Variants in ZAP70 observed in about 807,000 individuals in gnomAD.
The protein encoded by ZAP70 is zeta chain of T cell receptor associated protein kinase 70, also known as tyrosine-protein kinase ZAP-70.
ZAP70 carries 27 observed loss-of-function variants against 65.8 expected under a neutral mutation model. That is an observed-to-expected ratio of 0.41 (90% confidence interval 0.30 to 0.57). ZAP70 has a LOEUF of 0.57. Ranked by LOEUF, ZAP70 falls within the 20% of genes least tolerant of loss-of-function variation. The pLI is 0.28. For missense variants in ZAP70, 696 were observed against 870.5 expected (o/e 0.80, Z 2.52); for synonymous variants, 363 against 360.8 (o/e 1.01, Z -0.07).
chr2:97,735,957 G>A (rs1187539172), intron 10 of ZAP70, among the ~76,000 whole-genome samples: 1 of 152,118 alleles, frequency 6.6e-6, no homozygotes, highest in African/African-American at 2.4e-5. Flanking sequence ...GCAGTGAGCC[G>A]AGATTGTGCC....
chr2:97,734,833 T>G (rs1677785547), intron 9 of ZAP70, 121 bp downstream of exon 9: 1 of 1,372,398 alleles, frequency 7.3e-7, no homozygotes, highest in East Asian at 2.3e-5. Flanking sequence ...GGAAACAGAC[T>G]CTGGGGCAGG....
intron 9 of ZAP70, 63 bp downstream of exon 9, chr2:97,734,775 G>A: frequency 3.8e-6 from 6 of 1,594,780 alleles, no homozygotes; most frequent in Non-Finnish European, 5.1e-6. Flanking sequence ...TGGCTTCACC[G>A]GGCTGTGGGA....
Position 97,724,063 on chromosome 2 carries a change from C to A in ZAP70, c.27C>A (p.Pro9=). Residue 9 remains proline, a synonymous_variant, in exon 3 of 14, where the codon CCC becomes CCA. Transcript: ENST00000264972. The part of the protein sequence containing the change: MPDPAAHL[P]FFYGSISRAE... ...TGCCAGACCCCGCGGCGCACCTGCC[C>A]TTCTTCTACGGCAGCATCTCGCGTG... The A allele has an allele frequency of 6.4e-7, 1 of 1,557,862 alleles. No individual in the cohort carries two copies. Among genetic ancestry groups the A allele is most frequent in the African/African-American group, 1.4e-5 (1 of 73,962 alleles).
rs781033785 is a variant in ZAP70 at position 97,724,353 on chromosome 2, C to T, written c.317C>T (p.Ser106Leu). The change falls in exon 3 of 14, where the codon TCG becomes TTG. Residue 106 changes from serine (S) to leucine (L), a missense_variant. Ser to Leu is a moderately radical substitution (Grantham distance 145). Coordinates refer to ENST00000264972, the MANE Select transcript of ZAP70 (RefSeq NM_001079.4). ...CTGCGCAAGCCGTGCAACCGGCCGT[C>T]GGGCCTCGAGCCGCAGCCGGGGGTC... is the stretch of plus-strand genomic sequence containing the variant. ...CNLRKPCNRP[S>L]GLEPQPGVFD... 1.9e-6 allele frequency: 3 copies of T among 1,551,566 alleles called. No individual in the cohort carries two copies. Among genetic ancestry groups the T allele is most frequent in the Non-Finnish European group, 2.6e-6 (3 of 1,148,662 alleles).
the ZAP70 span, among the ~76,000 whole-genome samples, chr2:97,752,459 C>T: frequency 1.3e-5 from 2 of 152,144 alleles, no homozygotes; most frequent in Non-Finnish European, 2.9e-5. Context: ...AGAACTTTCC[C>T]CATTTTCTTT....
intron 2 of ZAP70, among the ~76,000 whole-genome samples, chr2:97,722,166 C>T (rs1292717196): frequency 6.6e-6 from 1 of 152,038 alleles, no homozygotes; most frequent in African/African-American, 2.4e-5. Context: ...ATGGAATCTC[C>T]GCCTCTTGGG....
rs536451792 is a variant in ZAP70, at chr2:97,733,527, G to C, written c.838-17G>C. The C allele has an allele frequency of 6.2e-6, 10 of 1,613,622 alleles. No homozygotes were observed. In the East Asian group the frequency reaches 2.2e-4, roughly 36 times the overall value. ...GGACGTCCCCAGCTCAGGCCTTGCTGACCCTGTGGCCTTTAGCCTCAGAGA... is the reference window on the plus strand; with the variant it reads ...GGACGTCCCCAGCTCAGGCCTTGCTCACCCTGTGGCCTTTAGCCTCAGAGA... On this transcript the variant is annotated splice_polypyrimidine_tract_variant and intron_variant, in intron 7 of 13. Transcript: ENST00000264972.
intron 4 of ZAP70, among the ~76,000 whole-genome samples, chr2:97,725,692 T>C (rs1198458793): frequency 6.6e-6 from 1 of 152,132 alleles, no homozygotes; most frequent in African/African-American, 2.4e-5. Context: ...CCCTGTCAGA[T>C]GGTGGTAAGC....
chr2:97,748,628 C>T, the ZAP70 span, among the ~76,000 whole-genome samples: 12 of 152,142 alleles, frequency 7.9e-5, no homozygotes, highest in African/African-American at 2.7e-4. Flanking sequence ...AGGCCAGGTG[C>T]GGGTTCTGGG....
intron 2 of ZAP70, among the ~76,000 whole-genome samples, chr2:97,721,974 G>A (rs542022021): frequency 2.7e-5 from 4 of 150,756 alleles, no homozygotes; most frequent in East Asian, 2.0e-4. Flanking sequence ...TAGTAGAGAC[G>A]GGGTTTCACT....
downstream of ZAP70, among the ~76,000 whole-genome samples, chr2:97,740,479 TATATC>T (rs1255787959): frequency 3.3e-5 from 5 of 152,220 alleles, no homozygotes; most frequent in Non-Finnish European, 7.3e-5. Context: ...TTATGTAAAA[TATATC>T]AGACAGTAAA....
intron 4 of ZAP70, among the ~76,000 whole-genome samples, chr2:97,728,038 C>T (rs1357326926): frequency 1.3e-5 from 2 of 152,208 alleles, no homozygotes; most frequent in Non-Finnish European, 2.9e-5. Flanking sequence ...CAGCTTTGAT[C>T]TGTTTGCTAT....
chr2:97,736,155 G>C lies in ZAP70; in HGVS notation c.1289+699G>C, dbSNP rs993745451. On this transcript the variant is annotated intron_variant, in intron 10 of 13. Coordinates refer to ENST00000264972, the MANE Select transcript of ZAP70 (RefSeq NM_001079.4). The surrounding 1 kb of genome is among the most constrained non-coding windows in gnomAD (Gnocchi z 4.0). The stretch of plus-strand genomic sequence containing the variant: ...TCTGGAACCTGCCCTTTGTTTACGT[G>C]CTGCGTGGTTTTCTATTTTTAATTT... Among the ~76,000 whole-genome samples, 1 of 152,078 alleles carries C rather than the reference G, an allele frequency of 6.6e-6. No individual in the cohort carries two copies. Among genetic ancestry groups the C allele is most frequent in the Non-Finnish European group, 1.5e-5 (1 of 68,020 alleles).
chr2:97,745,075 G>A, the ZAP70 span, among the ~76,000 whole-genome samples: 2 of 152,176 alleles, frequency 1.3e-5, no homozygotes, highest in African/African-American at 4.8e-5. Flanking sequence ...GTCTCGCTCT[G>A]TCCCCCAGGC....
At chr2:97,726,639 T>C (rs1174443477) in intron 4 of ZAP70, among the ~76,000 whole-genome samples, 1 of 152,260 alleles carries the variant, frequency 6.6e-6, no homozygotes, top group South Asian at 2.1e-4. Context: ...TCTTGCAAGA[T>C]GCAGCTCCCT....
chr2:97,745,139 A>G, the ZAP70 span, among the ~76,000 whole-genome samples: 1 of 152,136 alleles, frequency 6.6e-6, no homozygotes. Context: ...CCCGGGCTCA[A>G]GCAATCTTCC....
chr2:97,740,346 AT>A (rs1430453824), downstream of ZAP70, among the ~76,000 whole-genome samples: 1 of 152,222 alleles, frequency 6.6e-6, no homozygotes, highest in Non-Finnish European at 1.5e-5. Flanking sequence ...TTTTAAATTA[AT>A]TGTTTTAAAA....
chr2:97,739,614 G>C lies in ZAP70; in HGVS notation c.*116G>C, dbSNP rs1678063393. On this transcript the variant is annotated 3_prime_UTR_variant, in exon 14 of 14. Coordinates refer to ENST00000264972, the MANE Select transcript of ZAP70 (RefSeq NM_001079.4). ...TTGTCTCCACACACAGCTGGGCTGT[G>C]GTAGGGGGTGTCTCAGGCCACACCG... 5.5e-6 allele frequency: 8 copies of C among 1,451,570 alleles called. No individual in the cohort carries two copies. Among genetic ancestry groups the C allele is most frequent in the Non-Finnish European group, 7.4e-6 (8 of 1,080,146 alleles). 89.9% of individuals were successfully genotyped at this position (1,451,570 alleles called of 1,614,324 possible). A position where few individuals can be genotyped will look rare whatever the true frequency, so the allele number is the denominator to read the frequency against.
chr2:97,732,785 AG>A, intron 4 of ZAP70, 97 bp from the exon 5 acceptor site: 1 of 1,539,084 alleles, frequency 6.5e-7, no homozygotes. Context: ...CAAGGCTCTG[AG>A]GTGTGGAGCC....
Sources: allele counts gnomAD v4.1 joint callset (sites outside exome capture counted in the v4.1 genomes callset), GRCh38; gene constraint gnomAD v4.1.1; non-coding constraint Gnocchi (gnomAD v3.1); transcripts MANE v1.5; gene names NCBI Gene and HGNC (gene_info 2026-07-23, HGNC 2026-07-21).